The following MAML2 variants were observed in gnomAD, a reference collection of about 807,000 sequenced individuals.
MAML2 encodes mastermind-like protein 2.
A neutral mutation model predicts 96.1 loss-of-function variants in MAML2; 22 were observed. That is an observed-to-expected ratio of 0.23 (90% CI 0.16 to 0.33). The LOEUF is 0.33. Ranked by LOEUF, MAML2 falls within the 10% of genes least tolerant of loss-of-function variation. The probability of loss-of-function intolerance (pLI) is 1.00; values close to 1 mark genes in which losing one functional copy is unlikely to be tolerated. For synonymous variants in MAML2, 561 were observed against 521.3 expected (o/e 1.08, Z -1.04); for missense variants, 1,367 against 1,392.4 (o/e 0.98, Z 0.29).
chr11:96,198,630 C>G (rs477049), intron 1 of MAML2, among the ~76,000 whole-genome samples: 15,016 of 152,216 alleles, frequency 0.099, 995 homozygotes, highest in East Asian at 0.24. Context: ...CCCAGGTATT[C>G]TGTGAACAGA....
At chr11:96,114,725 G>A (rs1254336989) in intron 1 of MAML2, among the ~76,000 whole-genome samples, 2 of 152,232 alleles carry the variant, frequency 1.3e-5, no homozygotes, top group Non-Finnish European at 2.9e-5. Context: ...TTGAGAACTG[G>A]TTAAATGGCA....
chr11:96,122,141 A>T (rs111903216), intron 1 of MAML2, among the ~76,000 whole-genome samples: 4 of 151,168 alleles, frequency 2.6e-5, no homozygotes, highest in Middle Eastern at 3.5e-3. Flanking sequence ...TGGCCTGAGA[A>T]CTGACCTGTG....
chr11:96,046,849 A>G (rs1249694492), intron 2 of MAML2, among the ~76,000 whole-genome samples: 1 of 152,230 alleles, frequency 6.6e-6, no homozygotes, highest in African/African-American at 2.4e-5. Context: ...CAGATCACCC[A>G]GGAAGTTGAC....
intron 1 of MAML2, among the ~76,000 whole-genome samples, chr11:96,153,614 G>T (rs1448686973): frequency 6.6e-6 from 1 of 152,020 alleles, no homozygotes; most frequent in Non-Finnish European, 1.5e-5. Flanking sequence ...ATCTATAAGG[G>T]AAAGTTAAAA....
At chr11:96,185,644 T>TC (rs1272932615) in intron 1 of MAML2, among the ~76,000 whole-genome samples, 3 of 152,194 alleles carry the variant, frequency 2.0e-5, no homozygotes, top group Non-Finnish European at 4.4e-5. Flanking sequence ...TCTCAGCCTC[T>TC]CCCCCAGACC....
intron 1 of MAML2, among the ~76,000 whole-genome samples, chr11:96,175,425 T>C (rs898038466): frequency 2.2e-4 from 34 of 152,182 alleles, no homozygotes; most frequent in Admixed American, 1.9e-3. Context: ...CAAAAACCCA[T>C]AGAGGTACCA....
At chr11:96,210,804 CATG>C (rs1861960392) in intron 1 of MAML2, among the ~76,000 whole-genome samples, 2 of 152,102 alleles carry the variant, frequency 1.3e-5, no homozygotes, top group Admixed American at 6.5e-5. Flanking sequence ...AACTGCATAC[CATG>C]ATACTTTTAT....
intron 3 of MAML2, among the ~76,000 whole-genome samples, chr11:95,987,757 C>T (rs749293746): frequency 1.6e-4 from 24 of 152,272 alleles, no homozygotes; most frequent in Non-Finnish European, 2.8e-4. Flanking sequence ...TTGAAAGACA[C>T]AGTTTTTTGC....
At chr11:96,315,553 G>GT (rs1054824480) in intron 1 of MAML2, among the ~76,000 whole-genome samples, 1 of 151,966 alleles carries the variant, frequency 6.6e-6, no homozygotes, top group Admixed American at 6.6e-5. Flanking sequence ...CCAGACTCCT[G>GT]TTTTTTTCAT....
chr11:96,261,709 C>G (rs1331200918), intron 1 of MAML2, among the ~76,000 whole-genome samples: 1 of 152,134 alleles, frequency 6.6e-6, no homozygotes, highest in Non-Finnish European at 1.5e-5. Flanking sequence ...TGATATTGTG[C>G]AAATTACTTT....
At chr11:95,992,057 A>C (rs1170568140) in intron 2 of MAML2, among the ~76,000 whole-genome samples, 1 of 152,234 alleles carries the variant, frequency 6.6e-6, no homozygotes, top group African/African-American at 2.4e-5. Flanking sequence ...TCTCAGGAAT[A>C]AACATCATAA....
At chr11:96,034,408 A>AGTGTGTGTGTGTGTGTGT in intron 2 of MAML2, among the ~76,000 whole-genome samples, 1 of 126,730 alleles carries the variant, frequency 7.9e-6, no homozygotes, top group African/African-American at 3.3e-5. Context: ...AATACTTTGA[A>AGTGTGTGTGTGTGTGTGT]GTGTGTGTGT....
intron 2 of MAML2, among the ~76,000 whole-genome samples, chr11:96,091,560 A>G (rs942622196): frequency 6.6e-6 from 1 of 152,122 alleles, no homozygotes; most frequent in African/African-American, 2.4e-5. Flanking sequence ...ACATTGACTT[A>G]ATGACTAATT....
chr11:96,074,849 G>A (rs983195771), intron 2 of MAML2, among the ~76,000 whole-genome samples: 2 of 152,248 alleles, frequency 1.3e-5, no homozygotes, highest in African/African-American at 4.8e-5. Context: ...CCTTTCTGTT[G>A]TCTGTTAAGC....
At position 96,302,830 on chromosome 11, in the gene MAML2, T is replaced by C. The variant is rs371610950; in HGVS notation, c.513+38553A>G. ...CACATCTATTGTAATTCAGATGTACTACGCTCCAGGTTTTTCATAATCATA... is the reference window on the plus strand; with the variant it reads ...CACATCTATTGTAATTCAGATGTACCACGCTCCAGGTTTTTCATAATCATA... On this transcript the variant is annotated intron_variant, in intron 1 of 4. Transcript: ENST00000524717. 1.2e-4 allele frequency among the ~76,000 whole-genome samples: 18 copies of C among 152,344 alleles called. No homozygotes were observed. The East Asian group carries it at 3.5e-3, about 29-fold the overall frequency.
At chr11:96,312,728 G>T (rs996980647) in intron 1 of MAML2, among the ~76,000 whole-genome samples, 6 of 152,124 alleles carry the variant, frequency 3.9e-5, no homozygotes, top group African/African-American at 1.4e-4. Flanking sequence ...ACAAGTCTGT[G>T]GCATTAAGCA....
rs565035086 is a variant in MAML2, at chr11:96,188,577, G to A, written c.514-95060C>T. 3.3e-5 allele frequency among the ~76,000 whole-genome samples: 5 copies of A among 152,000 alleles called. No individual in the cohort carries two copies. In the South Asian group the frequency reaches 8.3e-4, roughly 25 times the overall value. ...GCAGGAATGAGGAGATCTTACAAAAGAAAATCTTTTTGAAAACGTTAAGTC... is the reference window on the plus strand; with the variant it reads ...GCAGGAATGAGGAGATCTTACAAAAAAAAATCTTTTTGAAAACGTTAAGTC... On this transcript the variant is annotated intron_variant, in intron 1 of 4. Coordinates refer to ENST00000524717, the MANE Select transcript of MAML2 (RefSeq NM_032427.4).
At chr11:96,330,580 T>C (rs773001001) in intron 1 of MAML2, among the ~76,000 whole-genome samples, 33 of 152,256 alleles carry the variant, frequency 2.2e-4, no homozygotes, top group Non-Finnish European at 4.3e-4. Flanking sequence ...CATAATTCTG[T>C]GGATTGGCTG....
intron 2 of MAML2, among the ~76,000 whole-genome samples, chr11:95,998,133 T>TGTCA (rs1554993539): frequency 0.015 from 2,094 of 137,242 alleles, 14 homozygotes; most frequent in Middle Eastern, 0.05. Context: ...TCTGTCTGTC[T>TGTCA]GTCTGTCAGT....
Sources: allele counts gnomAD v4.1 joint callset (sites outside exome capture counted in the v4.1 genomes callset), GRCh38; gene constraint gnomAD v4.1.1; transcripts MANE v1.5; gene names NCBI Gene and HGNC (gene_info 2026-07-23, HGNC 2026-07-21).